The following LTBP1 variants were observed in gnomAD, a reference collection of about 807,000 sequenced individuals.
LTBP1 encodes latent-transforming growth factor beta-binding protein 1.
LTBP1 carries 129 observed loss-of-function variants against 207.6 expected under a neutral mutation model. The observed-to-expected ratio is 0.62, with a 90% CI of 0.54 to 0.72. LTBP1 has a LOEUF of 0.72. LTBP1 is among the 30% of genes least tolerant of loss of function. LTBP1 has a pLI of 0.00. For missense variants in LTBP1, 2,281 were observed against 2,217.2 expected (o/e 1.03, Z -0.58); for synonymous variants, 963 against 833.7 (o/e 1.16, Z -2.67).
intron 5 of LTBP1, among the ~76,000 whole-genome samples, chr2:33,163,525 A>G (rs1455602560): frequency 1.3e-5 from 2 of 152,204 alleles, no homozygotes; most frequent in Non-Finnish European, 2.9e-5. Flanking sequence ...CTTAAAGGAT[A>G]AAAACATGTG....
At chr2:33,069,518 G>A (rs773505997) in intron 3 of LTBP1, among the ~76,000 whole-genome samples, 9 of 152,132 alleles carry the variant, frequency 5.9e-5, no homozygotes, top group Non-Finnish European at 8.8e-5. Context: ...GCATCTCTGG[G>A]GTGAACAGAG....
rs918809852 is a variant in LTBP1, at chr2:33,154,124, AT to A, written c.1201+19168del. On this transcript the variant is annotated intron_variant, in intron 5 of 33. Coordinates refer to ENST00000404816, the MANE Select transcript of LTBP1 (RefSeq NM_206943.4). Reference sequence around the variant, plus strand: ...GAATCTCTTTATTAAACTGTATTAAATTTTGCACCACTTGAATGTGCCTTTC... The same window carrying A: ...GAATCTCTTTATTAAACTGTATTAAATTTGCACCACTTGAATGTGCCTTTC... 3.5e-4 allele frequency among the ~76,000 whole-genome samples: 53 copies of A among 152,242 alleles called. No homozygotes were observed. The East Asian group carries it at 9.3e-3, about 27-fold the overall frequency.
chr2:33,117,540 A>C (rs1228287691), intron 4 of LTBP1, among the ~76,000 whole-genome samples: 1 of 152,144 alleles, frequency 6.6e-6, no homozygotes, highest in Admixed American at 6.5e-5. Context: ...CTTACAAGAG[A>C]CATTCAAGAT....
At chr2:33,173,182 CA>C (rs1246803568) in intron 5 of LTBP1, among the ~76,000 whole-genome samples, 1 of 151,856 alleles carries the variant, frequency 6.6e-6, no homozygotes, top group Non-Finnish European at 1.5e-5. Flanking sequence ...AATAGAGACA[CA>C]AAAAACCCTT....
At chr2:33,273,505 A>G (rs539151214) in intron 15 of LTBP1, 151 bp from the exon 16 acceptor site, 9 of 513,500 alleles carry the variant, frequency 1.8e-5, no homozygotes, top group South Asian at 2.7e-5. Context: ...ATGAATTTAT[A>G]CTTGATGTCA....
intron 3 of LTBP1, among the ~76,000 whole-genome samples, chr2:33,054,985 C>G (rs1443677788): frequency 6.6e-6 from 1 of 152,136 alleles, no homozygotes; most frequent in Non-Finnish European, 1.5e-5. Context: ...CCTAGTAAAC[C>G]ACACTGATAA....
intron 20 of LTBP1, among the ~76,000 whole-genome samples, chr2:33,298,205 C>G (rs1384779851): frequency 6.6e-6 from 1 of 152,212 alleles, no homozygotes; most frequent in East Asian, 1.9e-4. Context: ...TAGAATTAAT[C>G]TATCTTTGTT....
At chr2:33,130,205 C>G (rs184485402) in intron 4 of LTBP1, among the ~76,000 whole-genome samples, 4 of 152,094 alleles carry the variant, frequency 2.6e-5, no homozygotes, top group Admixed American at 2.0e-4. Context: ...TCTCTCACAC[C>G]CTGAAGAGTG....
At chr2:33,302,033 A>C (rs2093996639) in intron 22 of LTBP1, among the ~76,000 whole-genome samples, 1 of 152,246 alleles carries the variant, frequency 6.6e-6, no homozygotes, top group Non-Finnish European at 1.5e-5. Context: ...TTCAGAGCCA[A>C]ACATCAATTC....
chr2:32,970,993 C>G lies in LTBP1; in HGVS notation c.565+22048C>G, dbSNP rs1254916960. 5.3e-5 allele frequency among the ~76,000 whole-genome samples: 7 copies of G among 132,566 alleles called. No individual in the cohort carries two copies. In the Admixed American group the frequency reaches 5.8e-4, roughly 11 times the overall value. The allele number at this position is 132,566 out of a possible 152,430, so 87.0% of individuals were successfully genotyped here. ...TTTTATCTCCCTGGTTAGCTGTATTCCTAGGTATTTGTGTGTGTGTGTGTG... is the reference window on the plus strand; with the variant it reads ...TTTTATCTCCCTGGTTAGCTGTATTGCTAGGTATTTGTGTGTGTGTGTGTG... On this transcript the variant is annotated intron_variant, in intron 2 of 33. Coordinates refer to ENST00000404816, the MANE Select transcript of LTBP1 (RefSeq NM_206943.4).
At chr2:33,182,993 T>A (rs2086828681) in intron 5 of LTBP1, among the ~76,000 whole-genome samples, 1 of 152,072 alleles carries the variant, frequency 6.6e-6, no homozygotes, top group African/African-American at 2.4e-5. Context: ...GAGTTAAATG[T>A]TTCATTTCTT....
chr2:33,255,225 A>G (rs1029119541), intron 11 of LTBP1, among the ~76,000 whole-genome samples: 19 of 151,460 alleles, frequency 1.3e-4, no homozygotes, highest in Admixed American at 2.0e-4. Context: ...ATGGTTTCCA[A>G]TTTCATCCAT....
At chr2:33,345,827 A>C (rs1175504048) in intron 25 of LTBP1, among the ~76,000 whole-genome samples, 1 of 152,228 alleles carries the variant, frequency 6.6e-6, no homozygotes, top group South Asian at 2.1e-4. Context: ...ATGCTCATGA[A>C]AGCTGATGTT....
At chr2:33,166,392 T>C (rs556326151) in intron 5 of LTBP1, among the ~76,000 whole-genome samples, 1 of 152,312 alleles carries the variant, frequency 6.6e-6, no homozygotes, top group South Asian at 2.1e-4. Flanking sequence ...ACTTGGTTTA[T>C]TTAGGAGAAT....
chr2:33,386,826 CTTTTTTTTTTTT>C (rs1009498572), intron 31 of LTBP1, among the ~76,000 whole-genome samples: 1 of 119,350 alleles, frequency 8.4e-6, no homozygotes, highest in African/African-American at 3.5e-5. Context: ...GAGCAAGACC[CTTTTTTTTTTTT>C]TTTTTTTTTT....
At chr2:33,126,611 A>T (rs1032841849) in intron 4 of LTBP1, among the ~76,000 whole-genome samples, 30 of 152,204 alleles carry the variant, frequency 2.0e-4, no homozygotes, top group Non-Finnish European at 4.3e-4. Context: ...TACATCAGTA[A>T]TTTTTTTATT....
intron 9 of LTBP1, 90 bp from the exon 10 acceptor site, chr2:33,243,567 TTACTA>T: frequency 8.8e-7 from 1 of 1,141,060 alleles, no homozygotes; most frequent in South Asian, 1.5e-5. Context: ...AACTAAAAGA[TTACTA>T]TAGTGAAAAA....
At chr2:33,241,741 G>T (rs183797981) in intron 9 of LTBP1, among the ~76,000 whole-genome samples, 1 of 152,338 alleles carries the variant, frequency 6.6e-6, no homozygotes, top group African/African-American at 2.4e-5. Flanking sequence ...CAACTGGCTG[G>T]TTACCCAAAC....
At chr2:33,014,867 A>G (rs879816811) in intron 2 of LTBP1, among the ~76,000 whole-genome samples, 1 of 152,180 alleles carries the variant, frequency 6.6e-6, no homozygotes, top group Non-Finnish European at 1.5e-5. Context: ...TTTTCAGAAG[A>G]CCAACCTGGT....
Sources: gnomAD v4.1 joint callset for allele counts (sites outside exome capture counted in the v4.1 genomes callset) on GRCh38, gnomAD v4.1.1 for gene constraint, MANE v1.5 for transcripts, NCBI Gene and HGNC (gene_info 2026-07-23, HGNC 2026-07-21) for gene names.